Variants in NCOA6 observed in about 807,000 individuals in gnomAD.
NCOA6 encodes the protein NRC RAP250.
A neutral mutation model predicts 171.4 loss-of-function variants in NCOA6; 49 were observed. The observed-to-expected ratio is 0.29, with a 90% CI of 0.23 to 0.36. NCOA6 has a LOEUF of 0.36. Ranked by LOEUF, NCOA6 falls within the 10% of genes least tolerant of loss-of-function variation. NCOA6 has a pLI of 1.00. For synonymous variants in NCOA6, 910 were observed against 927.5 expected (o/e 0.98, Z 0.34); for missense variants, 2,248 against 2,554.5 (o/e 0.88, Z 2.59).
rs566745383 is a variant in NCOA6, at chr20:34,806,879, C to T, written c.-163-14316G>A. On this transcript the variant is annotated intron_variant, in intron 1 of 14. Transcript: ENST00000359003. Reference sequence around the variant, plus strand: ...TTTTTGCTCAGGATTGCTTTGGCTACTCAAGGTCTTTTGTGGTGCCTGCCA... The same window carrying T: ...TTTTTGCTCAGGATTGCTTTGGCTATTCAAGGTCTTTTGTGGTGCCTGCCA... Among the ~76,000 whole-genome samples, 3 of 152,278 alleles carry T rather than the reference C, an allele frequency of 2.0e-5. No homozygotes were observed. In the East Asian group the frequency reaches 5.8e-4, roughly 29 times the overall value.
intron 14 of NCOA6, among the ~76,000 whole-genome samples, chr20:34,719,984 G>A (rs1015425059): frequency 6.6e-6 from 1 of 152,130 alleles, no homozygotes; most frequent in Non-Finnish European, 1.5e-5. Flanking sequence ...TGGGTAGGGT[G>A]GGGCTATCAC....
At chr20:34,752,927 AAACAC>A (rs1326527166) in intron 8 of NCOA6, among the ~76,000 whole-genome samples, 1 of 151,582 alleles carries the variant, frequency 6.6e-6, no homozygotes, top group Non-Finnish European at 1.5e-5. Context: ...AAAAAAAAAA[AAACAC>A]ACACAAAGAA....
chr20:34,783,388 A>G (rs1026984611), intron 2 of NCOA6, among the ~76,000 whole-genome samples: 10 of 152,174 alleles, frequency 6.6e-5, no homozygotes, highest in African/African-American at 2.2e-4. Flanking sequence ...AAGAAGTTAC[A>G]TTTTCTGCTA....
intron 1 of NCOA6, among the ~76,000 whole-genome samples, chr20:34,798,353 C>T (rs62211612): frequency 0.16 from 23,957 of 152,240 alleles, 2,084 homozygotes; most frequent in South Asian, 0.32. Context: ...GCCCTGGCTT[C>T]CGAACATCTC....
In NCOA6 at chr20:34,742,347, G is replaced by A. The variant is rs754570791; in HGVS notation, c.3909C>T (p.His1303=). 1 of 1,614,096 alleles carries A rather than the reference G, an allele frequency of 6.2e-7. No homozygotes were observed. The highest frequency in any genetic ancestry group is 8.5e-7 in the Non-Finnish European group (1 of 1,180,054). Residue 1303 remains histidine, a synonymous_variant, in exon 11 of 15, where the codon CAC becomes CAT. Transcript: ENST00000359003. ...AATTCACTACCACAGAATCTAATTTGTGAGTTTGTGGGGTAGCAAAATTGG... is the reference window on the plus strand; with the variant it reads ...AATTCACTACCACAGAATCTAATTTATGAGTTTGTGGGGTAGCAAAATTGG... ...NPSNFATPQT[H]KLDSVVVNSG... is the part of the protein sequence containing the mutation.
chr20:34,785,550 G>A (rs891370355), intron 2 of NCOA6, among the ~76,000 whole-genome samples: 1 of 151,870 alleles, frequency 6.6e-6, no homozygotes, highest in Admixed American at 6.6e-5. Context: ...AAACTTTAGA[G>A]GTAATTAAAC....
At chr20:34,750,613 T>C in intron 8 of NCOA6, 94 bp from the exon 9 acceptor site, 2 of 1,313,156 alleles carry the variant, frequency 1.5e-6, no homozygotes, top group Non-Finnish European at 2.0e-6. Context: ...AAGACATCCA[T>C]CACCCTTATA....
intron 5 of NCOA6, among the ~76,000 whole-genome samples, chr20:34,763,529 T>G (rs1198369045): frequency 1.3e-5 from 2 of 152,216 alleles, no homozygotes; most frequent in Admixed American, 6.5e-5. Context: ...AATCTAATCC[T>G]AAATTGTATA....
chr20:34,776,777 T>A (rs533827130), intron 3 of NCOA6: 1 of 484,030 alleles, frequency 2.1e-6, no homozygotes, highest in South Asian at 1.5e-5. Context: ...CCACAGGCAA[T>A]GAACGGAAAG....
In NCOA6 at chr20:34,742,359, G is replaced by A; in HGVS notation, c.3897C>T (p.Thr1299=). ...NLTMNPSNFA[T]PQTHKLDSVV... ...CAGAATCTAATTTGTGAGTTTGTGG[G>A]GTAGCAAAATTGGAAGGATTCATGG... The change falls in exon 11 of 15, where the codon ACC becomes ACT. Residue 1299 remains threonine, a synonymous_variant. Coordinates refer to ENST00000359003, the MANE Select transcript of NCOA6 (RefSeq NM_014071.5). The A allele has an allele frequency of 6.2e-7, 1 of 1,614,152 alleles. No individual in the cohort carries two copies. The highest frequency in any genetic ancestry group is 2.2e-5 in the East Asian group (1 of 44,888).
At chr20:34,822,711 C>T (rs1290108304) in intron 1 of NCOA6, among the ~76,000 whole-genome samples, 1 of 152,146 alleles carries the variant, frequency 6.6e-6, no homozygotes, top group Admixed American at 6.6e-5. Flanking sequence ...GCACAGTAAA[C>T]GTTTGCTGAA....
rs1310966909 is a variant in NCOA6, at chr20:34,715,098, G to A, written c.*224C>T. 1 of 511,716 alleles carries A rather than the reference G, an allele frequency of 2.0e-6. No homozygotes were observed. The highest frequency in any genetic ancestry group is 3.5e-6 in the Non-Finnish European group (1 of 282,676). 31.7% of individuals were successfully genotyped at this position (511,716 alleles called of 1,614,324 possible). ...ATGGCATTAGCTCCTTTCAATACAA[G>A]ACAACATTTTAGAAACCTTGAACTT... On this transcript the variant is annotated 3_prime_UTR_variant, in exon 15 of 15. Transcript: ENST00000359003.
At chr20:34,793,379 T>C (rs1216961702) in intron 1 of NCOA6, among the ~76,000 whole-genome samples, 1 of 152,222 alleles carries the variant, frequency 6.6e-6, no homozygotes, top group Non-Finnish European at 1.5e-5. Flanking sequence ...TGTAAGTTTT[T>C]TTCCTATTTT....
In NCOA6 at chr20:34,768,457, G is replaced by A; in HGVS notation, c.514+7C>T. Reference sequence around the variant, plus strand: ...AAAATGTCATACAATTGAGTGGGAGGTCTTACCTGGACCACTTGCCATAGG... The same window carrying A: ...AAAATGTCATACAATTGAGTGGGAGATCTTACCTGGACCACTTGCCATAGG... On this transcript the variant is annotated splice_region_variant and intron_variant, in intron 5 of 14. Coordinates refer to ENST00000359003, the MANE Select transcript of NCOA6 (RefSeq NM_014071.5). 6.2e-7 allele frequency: 1 copy of A among 1,613,968 alleles called. No individual in the cohort carries two copies. The highest frequency in any genetic ancestry group is 8.5e-7 in the Non-Finnish European group (1 of 1,179,922).
intron 5 of NCOA6, among the ~76,000 whole-genome samples, chr20:34,765,925 C>T (rs1251339106): frequency 1.3e-5 from 2 of 152,100 alleles, no homozygotes; most frequent in African/African-American, 2.4e-5. Context: ...CTTTCTGTTG[C>T]CCATGCTAAG....
At chr20:34,790,983 TCA>T (rs2077863298) in intron 2 of NCOA6, among the ~76,000 whole-genome samples, 1 of 152,120 alleles carries the variant, frequency 6.6e-6, no homozygotes, top group Non-Finnish European at 1.5e-5. Context: ...ATAAGTAAAT[TCA>T]CAGAGACAGA....
chr20:34,741,268 G>C lies in NCOA6; in HGVS notation c.4988C>G (p.Ser1663Ter). ...PQFITPVFIN[S>*]SSIIQVMKGS... is the part of the protein sequence containing the mutation. ...TTTCATAACCTGAATTATTGAGGAT[G>C]AATTGATAAAGACAGGTGTAATGAA... The change falls in exon 11 of 15, where the codon TCA becomes TGA. Residue 1663 changes from serine (S) to a stop codon, truncating the protein, a stop_gained. Coordinates refer to ENST00000359003, the MANE Select transcript of NCOA6 (RefSeq NM_014071.5). LOFTEE classifies it high-confidence loss of function. The C allele has an allele frequency of 6.2e-7, 1 of 1,614,206 alleles. No homozygotes were observed.
chr20:34,807,915 C>T (rs1451283977), intron 1 of NCOA6, among the ~76,000 whole-genome samples: 2 of 150,728 alleles, frequency 1.3e-5, no homozygotes, highest in African/African-American at 2.4e-5. Context: ...TTTGGGAGGC[C>T]GAGGAGGGTG....
chr20:34,804,936 C>T (rs57131731), intron 1 of NCOA6, among the ~76,000 whole-genome samples: 23,930 of 151,986 alleles, frequency 0.16, 2,075 homozygotes, highest in South Asian at 0.32. Flanking sequence ...AGAACGTATT[C>T]GTCCTATCCA....
Sources: allele counts gnomAD v4.1 joint callset (sites outside exome capture counted in the v4.1 genomes callset), GRCh38; gene constraint gnomAD v4.1.1; transcripts MANE v1.5; gene names NCBI Gene and HGNC (gene_info 2026-07-23, HGNC 2026-07-21).